Variants in TRPM7 observed in about 807,000 individuals in gnomAD.
TRPM7 encodes the protein transient receptor potential cation channel subfamily M member 7.
TRPM7 carries 134 observed loss-of-function variants against 229.7 expected under a neutral mutation model. The ratio of observed to expected loss-of-function variants is 0.58; its 90% CI spans 0.51 to 0.67. The LOEUF is 0.67. Ranked by LOEUF, TRPM7 falls within the 30% of genes least tolerant of loss-of-function variation. The pLI is 0.00. For missense variants in TRPM7, 1,901 were observed against 2,210.0 expected, an observed-to-expected ratio of 0.86 and a Z score of 2.80; for synonymous variants, 699 against 715.2, an observed-to-expected ratio of 0.98 and a Z score of 0.36.
chr15:50,674,572 CA>C (rs1444798963), intron 1 of TRPM7, among the ~76,000 whole-genome samples: 1 of 152,166 alleles, frequency 6.6e-6, no homozygotes, highest in Admixed American at 6.6e-5. Context: ...AAATGATTTG[CA>C]TACCACCATT....
At chr15:50,632,293 CA>C (rs11316484) in intron 9 of TRPM7, among the ~76,000 whole-genome samples, 70,119 of 141,176 alleles carry the variant, frequency 0.5, 16,865 homozygotes, top group East Asian at 0.58. Flanking sequence ...ACTCTGTCTC[CA>C]AAAAAAAAAA....
At chr15:50,673,634 G>GTATATATA (rs35356193) in intron 1 of TRPM7, among the ~76,000 whole-genome samples, 59 of 150,422 alleles carry the variant, frequency 3.9e-4, no homozygotes, top group African/African-American at 1.4e-3. Context: ...GTATTCCCTC[G>GTATATATA]TATATATATA....
intron 27 of TRPM7, chr15:50,588,138 G>A: frequency 1.3e-6 from 1 of 757,364 alleles, no homozygotes; most frequent in Non-Finnish European, 1.6e-6. Context: ...AAAAGCACAT[G>A]GGTATATTTT....
At chr15:50,622,224 A>G (rs2060428031) in intron 12 of TRPM7, among the ~76,000 whole-genome samples, 1 of 152,208 alleles carries the variant, frequency 6.6e-6, no homozygotes, top group African/African-American at 2.4e-5. Flanking sequence ...ACACACACAA[A>G]CAAAACCTCT....
chr15:50,589,085 G>A (rs1002581824), intron 27 of TRPM7, among the ~76,000 whole-genome samples: 2 of 152,204 alleles, frequency 1.3e-5, no homozygotes, highest in East Asian at 1.9e-4. Context: ...ACCTTGGGAA[G>A]CCGAGGCAGG....
intron 1 of TRPM7, among the ~76,000 whole-genome samples, chr15:50,677,063 C>A (rs995109214): frequency 2.0e-5 from 3 of 152,154 alleles, no homozygotes; most frequent in Non-Finnish European, 2.9e-5. Flanking sequence ...ACCAATACCA[C>A]ACAGACTTGG....
chr15:50,680,734 T>C lies in TRPM7; in HGVS notation c.3+5797A>G, dbSNP rs182829738. Reference sequence around the variant, plus strand: ...GTTATAACTTTTTTAAAAAAAACCTTAACTTTTTTAACTTGACATAACACC... The same window carrying C: ...GTTATAACTTTTTTAAAAAAAACCTCAACTTTTTTAACTTGACATAACACC... On this transcript the variant is annotated intron_variant, in intron 1 of 38. Coordinates refer to ENST00000646667, the MANE Select transcript of TRPM7 (RefSeq NM_017672.6). Among the ~76,000 whole-genome samples, 100 of 152,282 alleles carry C rather than the reference T, an allele frequency of 6.6e-4. No homozygotes were observed. In the Middle Eastern group the frequency reaches 0.014, roughly 21 times the overall value.
chr15:50,640,966 G>A (rs2061084580), intron 5 of TRPM7, among the ~76,000 whole-genome samples: 1 of 152,144 alleles, frequency 6.6e-6, no homozygotes, highest in Non-Finnish European at 1.5e-5. Flanking sequence ...ATAAATTTCT[G>A]TTTTTAAGCC....
At position 50,575,922 on chromosome 15, in the gene TRPM7, A is replaced by C. The variant is rs772287175; in HGVS notation, c.4619-3T>G. The stretch of plus-strand genomic sequence containing the variant: ...TGGCTTAAATGGAGAAGTGAGACCT[A>C]GAATGGCAAATAAACAAACGAGACC... On this transcript the variant is annotated splice_region_variant and splice_polypyrimidine_tract_variant and intron_variant, in intron 31 of 38. Transcript: ENST00000646667. The C allele has an allele frequency of 6.2e-7, 1 of 1,613,168 alleles. No homozygotes were observed. The highest frequency in any genetic ancestry group is 8.5e-7 in the Non-Finnish European group (1 of 1,179,568).
intron 1 of TRPM7, among the ~76,000 whole-genome samples, chr15:50,667,598 T>C (rs1355124821): frequency 6.6e-6 from 1 of 152,120 alleles, no homozygotes; most frequent in Non-Finnish European, 1.5e-5. Context: ...TCCCAGCTGC[T>C]AGGGAAGCTG....
In TRPM7 at chr15:50,648,724, A is replaced by G; in HGVS notation, c.284T>C (p.Ile95Thr). The change falls in exon 4 of 39, where the codon ATA becomes ACA. Residue 95 changes from isoleucine to threonine, a missense_variant. Coordinates refer to ENST00000646667, the MANE Select transcript of TRPM7 (RefSeq NM_017672.6). The part of the protein sequence containing the change: ...EQSPTDAYGV[I>T]NFQGGSHSYR... ...GGAATGAGAACCCCCTTGAAAATTT[A>G]TGACTCCATAAGCATCCGTTGGGCT... 6.2e-7 allele frequency: 1 copy of G among 1,610,524 alleles called. No individual in the cohort carries two copies. The highest frequency in any genetic ancestry group is 8.5e-7 in the Non-Finnish European group (1 of 1,178,128).
chr15:50,655,437 G>GAAAAA (rs199686585), intron 3 of TRPM7, among the ~76,000 whole-genome samples: 1 of 89,358 alleles, frequency 1.1e-5, no homozygotes, highest in Non-Finnish European at 2.3e-5. Context: ...CATCTCAAAG[G>GAAAAA]AAAAAAAAAA....
Position 50,559,513 on chromosome 15 carries a change from AAAC to A in TRPM7, c.*2162_*2164del, listed in dbSNP as rs1269166721. 1 of 151,352 alleles carries A rather than the reference AAAC, an allele frequency of 6.6e-6. No individual in the cohort carries two copies. The highest frequency in any genetic ancestry group is 2.4e-5 in the African/African-American group (1 of 40,888). 9.4% of individuals were successfully genotyped at this position (151,352 alleles called of 1,614,324 possible). ...CCACCAAGACAAACAAAACAAAACA[AAAC>A]AAAACAAAACAAAACAAAAACAGTA... On this transcript the variant is annotated 3_prime_UTR_variant, in exon 39 of 39. Transcript: ENST00000646667.
chr15:50,594,179 A>G (rs1181008171), intron 24 of TRPM7, among the ~76,000 whole-genome samples: 1 of 152,220 alleles, frequency 6.6e-6, no homozygotes, highest in Non-Finnish European at 1.5e-5. Flanking sequence ...AGAACAACAA[A>G]GAAGTTCGGT....
At chr15:50,613,605 T>G in intron 15 of TRPM7, 102 bp downstream of exon 15, 1 of 1,068,138 alleles carries the variant, frequency 9.4e-7, no homozygotes. Context: ...AAACGAAAGG[T>G]AATTCTTACT....
At chr15:50,581,867 T>A (rs1001926197) in intron 29 of TRPM7, among the ~76,000 whole-genome samples, 2 of 152,186 alleles carry the variant, frequency 1.3e-5, no homozygotes, top group Non-Finnish European at 2.9e-5. Context: ...CATCTGACTA[T>A]GTAGTTTATC....
intron 1 of TRPM7, among the ~76,000 whole-genome samples, chr15:50,685,727 G>C (rs1244808109): frequency 1.3e-5 from 2 of 152,018 alleles, no homozygotes; most frequent in African/African-American, 4.8e-5. Context: ...CTTCAAAATT[G>C]GTTCCTGATA....
At chr15:50,680,241 A>G (rs1314379690) in intron 1 of TRPM7, among the ~76,000 whole-genome samples, 1 of 151,868 alleles carries the variant, frequency 6.6e-6, no homozygotes, top group East Asian at 1.9e-4. Context: ...CTCAAAAAAT[A>G]TAAAAATAAA....
rs1042210074 is a variant in TRPM7 at position 50,592,483 on chromosome 15, G to A, written c.3752C>T (p.Ala1251Val). Residue 1251 changes from alanine (A) to valine (V), a missense_variant, in exon 26 of 39, where the codon GCC becomes GTC. Coordinates refer to ENST00000646667, the MANE Select transcript of TRPM7 (RefSeq NM_017672.6). ...LTVDTLKTLTAQKASEASKVH... is the reference protein window; with the variant it reads ...LTVDTLKTLTVQKASEASKVH... ...TTTGCTAGCTTCCGACGCTTTCTGG[G>A]CAGTGAGTGTTTTTAATGTATCTAC... is the stretch of plus-strand genomic sequence containing the variant. 2 of 1,614,070 alleles carry A rather than the reference G, an allele frequency of 1.2e-6. No homozygotes were observed. Among genetic ancestry groups the A allele is most frequent in the Admixed American group, 1.7e-5 (1 of 60,012 alleles).
Sources: allele counts gnomAD v4.1 joint callset (sites outside exome capture counted in the v4.1 genomes callset), GRCh38; gene constraint gnomAD v4.1.1; transcripts MANE v1.5; gene names NCBI Gene and HGNC (gene_info 2026-07-23, HGNC 2026-07-21).